The following ENTPD1 variants were observed in gnomAD, a reference collection of about 807,000 sequenced individuals.
ENTPD1 encodes the protein ATP diphosphohydrolase.
In ENTPD1, 33 loss-of-function variants were observed where a neutral mutation model predicts 57.0. The observed-to-expected ratio is 0.58, with a 90% CI of 0.44 to 0.77. The LOEUF (loss-of-function observed/expected upper bound fraction) is 0.77, where lower values mean the gene tolerates loss of function less well. Among genes scored for constraint, ENTPD1 ranks in the 30% least tolerant of loss-of-function variants. The pLI, the probability that ENTPD1 is intolerant of heterozygous loss-of-function variation, is 0.00. For missense variants in ENTPD1, 501 were observed against 603.4 expected, an observed-to-expected ratio of 0.83 and a Z score of 1.78; for synonymous variants, 202 against 218.8, an observed-to-expected ratio of 0.92 and a Z score of 0.68.
chr10:95,735,246 T>A (rs2097993393), intron 1 of ENTPD1, among the ~76,000 whole-genome samples: 1 of 152,020 alleles, frequency 6.6e-6, no homozygotes, highest in Admixed American at 6.5e-5. Flanking sequence ...GGCCAGGCTG[T>A]TATTGAACTC....
At chr10:95,815,239 C>T (rs1364490424) in intron 1 of ENTPD1, among the ~76,000 whole-genome samples, 1 of 152,176 alleles carries the variant, frequency 6.6e-6, no homozygotes, top group Admixed American at 6.5e-5. Context: ...AATTTCTACG[C>T]ATCTCTAATG....
At chr10:95,858,172 AGT>A (rs2098458874) in intron 7 of ENTPD1, among the ~76,000 whole-genome samples, 2 of 151,424 alleles carry the variant, frequency 1.3e-5, no homozygotes, top group Non-Finnish European at 2.9e-5. Flanking sequence ...AAAAAAAAAA[AGT>A]AACTGCTGGG....
intron 1 of ENTPD1, among the ~76,000 whole-genome samples, chr10:95,716,696 G>T (rs2097971954): frequency 6.6e-6 from 1 of 152,176 alleles, no homozygotes; most frequent in Admixed American, 6.5e-5. Context: ...GCAACGTGAG[G>T]CCCTTGTCGG....
intron 1 of ENTPD1, among the ~76,000 whole-genome samples, chr10:95,782,910 A>G (rs2098163570): frequency 6.6e-6 from 1 of 152,174 alleles, no homozygotes; most frequent in South Asian, 2.1e-4. Flanking sequence ...TTAAAAAGAT[A>G]CTGAGCTAGA....
intron 1 of ENTPD1, among the ~76,000 whole-genome samples, chr10:95,727,868 A>C (rs2097985342): frequency 6.6e-6 from 1 of 152,252 alleles, no homozygotes; most frequent in South Asian, 2.1e-4. Context: ...AAACAAATCT[A>C]GAATTTTTAT....
At chr10:95,711,881 G>A (rs1177148549) in exon 1 of ENTPD1, 16 of 1,605,198 alleles carry the variant, frequency 1.0e-5, no homozygotes, top group Non-Finnish European at 1.3e-5. Context: ...GGGCAAAGGG[G>A]AAGTTTTCCT....
At chr10:95,737,551 A>G (rs1406510763) in intron 1 of ENTPD1, among the ~76,000 whole-genome samples, 7 of 151,690 alleles carry the variant, frequency 4.6e-5, no homozygotes, top group Admixed American at 3.3e-4. Flanking sequence ...CTCCTGGCTA[A>G]TTTTTTTGTA....
At chr10:95,757,723 G>A (rs1265208364) in intron 1 of ENTPD1, among the ~76,000 whole-genome samples, 1 of 152,072 alleles carries the variant, frequency 6.6e-6, no homozygotes, top group East Asian at 1.9e-4. Flanking sequence ...TGGACTGGGG[G>A]GCTGGATGTG....
chr10:95,846,856 G>A (rs1349174437), intron 6 of ENTPD1, among the ~76,000 whole-genome samples: 2 of 151,962 alleles, frequency 1.3e-5, no homozygotes, highest in African/African-American at 4.8e-5. Context: ...GGGTGTGGTG[G>A]CACACACCTG....
chr10:95,841,084 A>G (rs915881331), intron 3 of ENTPD1, among the ~76,000 whole-genome samples: 4 of 152,112 alleles, frequency 2.6e-5, no homozygotes, highest in Admixed American at 2.0e-4. Flanking sequence ...ACTGCCTTCC[A>G]TTTTTAAAAG....
chr10:95,816,896 A>G (rs1037166788), intron 1 of ENTPD1, among the ~76,000 whole-genome samples: 4 of 152,232 alleles, frequency 2.6e-5, no homozygotes, highest in African/African-American at 9.6e-5. Context: ...GGCTGCATTT[A>G]AAGTGCTAAG....
intron 1 of ENTPD1, among the ~76,000 whole-genome samples, chr10:95,801,868 T>A (rs922477200): frequency 1.3e-5 from 2 of 152,248 alleles, no homozygotes; most frequent in Non-Finnish European, 2.9e-5. Flanking sequence ...CTGTGAAGAA[T>A]CTCAATGGTA....
rs1411580832 is a variant in ENTPD1 at position 95,866,380 on chromosome 10, A to G, written c.1530A>G (p.Val510=). Residue 510 remains valine, a synonymous_variant, in exon 10 of 10, where the codon GTA becomes GTG. Transcript: ENST00000371205. ...HKPSYFWKDM[V] Reference sequence around the variant, plus strand: ...CTTCATATTTCTGGAAAGATATGGTATAGCAAAAGCAGCTGAAATATGCTG... The same window carrying G: ...CTTCATATTTCTGGAAAGATATGGTGTAGCAAAAGCAGCTGAAATATGCTG... 6.2e-7 allele frequency: 1 copy of G among 1,614,042 alleles called. No individual in the cohort carries two copies. The highest frequency in any genetic ancestry group is 8.5e-7 in the Non-Finnish European group (1 of 1,180,038).
At chr10:95,839,393 G>C in intron 2 of ENTPD1, 1 of 406,000 alleles carries the variant, frequency 2.5e-6, no homozygotes, top group Non-Finnish European at 4.6e-6. Context: ...ATGTGGTTCT[G>C]AATCTTGGCT....
chr10:95,853,077 T>G (rs992304438), intron 7 of ENTPD1, among the ~76,000 whole-genome samples: 5 of 152,220 alleles, frequency 3.3e-5, no homozygotes, highest in Non-Finnish European at 5.9e-5. Context: ...GAAATGTTCT[T>G]CCATTTGTTT....
chr10:95,850,079 C>G (rs565459962), intron 7 of ENTPD1, among the ~76,000 whole-genome samples: 7 of 152,322 alleles, frequency 4.6e-5, no homozygotes, highest in Middle Eastern at 6.8e-3. Flanking sequence ...GAATGTGATT[C>G]ATCCAACCAA....
At chr10:95,704,848 A>C in the ENTPD1 span, among the ~76,000 whole-genome samples, 3 of 137,922 alleles carry the variant, frequency 2.2e-5, no homozygotes. Context: ...CAAGCTACTC[A>C]ATGGTAAAAT....
At chr10:95,708,725 G>GA (rs1163057917), upstream of ENTPD1, among the ~76,000 whole-genome samples, 1 of 152,138 alleles carries the variant, frequency 6.6e-6, no homozygotes, top group Non-Finnish European at 1.5e-5. Context: ...ACAAATACAT[G>GA]AAAAAACCAA....
chr10:95,736,841 C>T (rs1334559220), intron 1 of ENTPD1, among the ~76,000 whole-genome samples: 1 of 152,184 alleles, frequency 6.6e-6, no homozygotes, highest in African/African-American at 2.4e-5. Flanking sequence ...CAGCTCTTGA[C>T]CCCCTCATCA....
Sources: gnomAD v4.1 joint callset for allele counts (sites outside exome capture counted in the v4.1 genomes callset) on GRCh38, gnomAD v4.1.1 for gene constraint, MANE v1.5 for transcripts, NCBI Gene and HGNC (gene_info 2026-07-23, HGNC 2026-07-21) for gene names.